RASAL2: variants seen among roughly 807,000 people sequenced by gnomAD.
The protein encoded by RASAL2 is ras GTPase-activating protein nGAP.
RASAL2 carries 58 observed loss-of-function variants against 128.9 expected under a neutral mutation model. The observed-to-expected ratio is 0.45, with a 90% CI of 0.36 to 0.56. The LOEUF is 0.56. Ranked by LOEUF, RASAL2 falls within the 20% of genes least tolerant of loss-of-function variation. RASAL2 has a pLI of 0.00. For missense variants in RASAL2, 1,360 were observed against 1,601.6 expected (o/e 0.85, Z 2.57); for synonymous variants, 561 against 580.8 (o/e 0.97, Z 0.49).
chr1:178,269,333 A>G (rs148259598), intron 1 of RASAL2, among the ~76,000 whole-genome samples: 60 of 152,354 alleles, frequency 3.9e-4, no homozygotes, highest in African/African-American at 1.3e-3. Context: ...ATATTTTGTT[A>G]AGGCAGCCTG....
At chr1:178,452,865 G>A (rs767224732) in intron 11 of RASAL2, among the ~76,000 whole-genome samples, 12 of 152,046 alleles carry the variant, frequency 7.9e-5, no homozygotes, top group Non-Finnish European at 1.5e-4. Context: ...ATATTTGCAG[G>A]CACTACAAAC....
chr1:178,331,502 G>T (rs1669309864), intron 3 of RASAL2, among the ~76,000 whole-genome samples: 2 of 151,184 alleles, frequency 1.3e-5, no homozygotes, highest in East Asian at 1.9e-4. Flanking sequence ...ACTATATGGG[G>T]TTTTTGTTGC....
chr1:178,251,666 A>T (rs1665059885), intron 1 of RASAL2, among the ~76,000 whole-genome samples: 1 of 152,230 alleles, frequency 6.6e-6, no homozygotes, highest in Non-Finnish European at 1.5e-5. Context: ...GTCCTGCCAC[A>T]GTAGAATTGT....
At position 178,395,793 on chromosome 1, in the gene RASAL2, T is replaced by TATATATATATATATA. The variant is rs879578177; in HGVS notation, c.564+5587_564+5588insATATATATATATATA. On this transcript the variant is annotated intron_variant, in intron 4 of 17. Coordinates refer to ENST00000367649, the MANE Select transcript of RASAL2 (RefSeq NM_170692.4). Reference sequence around the variant, plus strand: ...ACAGTATATATATATATATATATATTTATTTATTCATATGTGTATGAATGT... The same window carrying TATATATATATATATA: ...ACAGTATATATATATATATATATATTATATATATATATATATATTTATTCATATGTGTATGAATGT... Among the ~76,000 whole-genome samples the TATATATATATATATA allele has an allele frequency of 2.7e-3, 333 of 124,458 alleles. 11 individuals carry two copies. The highest frequency in any genetic ancestry group is 9.4e-3 in the African/African-American group (264 of 28,164). The allele number at this position is 124,458 out of a possible 152,430, so 81.6% of individuals were successfully genotyped here.
intron 1 of RASAL2, among the ~76,000 whole-genome samples, chr1:178,265,456 AT>A (rs1392489778): frequency 6.6e-6 from 1 of 152,172 alleles, no homozygotes; most frequent in Non-Finnish European, 1.5e-5. Context: ...TTATTATTGT[AT>A]GCCAGTATGT....
chr1:178,329,031 A>G lies in RASAL2; in HGVS notation c.457+28913A>G, dbSNP rs1307261558. Reference sequence around the variant, plus strand: ...TCATTCCTCAAATATATATTTTTTAATTCCTATTATGTGCCACACACTGTT... The same window carrying G: ...TCATTCCTCAAATATATATTTTTTAGTTCCTATTATGTGCCACACACTGTT... On this transcript the variant is annotated intron_variant, in intron 3 of 17. Coordinates refer to ENST00000367649, the MANE Select transcript of RASAL2 (RefSeq NM_170692.4). 3.9e-5 allele frequency among the ~76,000 whole-genome samples: 6 copies of G among 152,136 alleles called. No homozygotes were observed. In the South Asian group the frequency reaches 1.0e-3, roughly 26 times the overall value.
intron 1 of RASAL2, among the ~76,000 whole-genome samples, chr1:178,262,812 T>TA (rs71567187): frequency 3.4e-5 from 5 of 146,524 alleles, no homozygotes; most frequent in Non-Finnish European, 5.9e-5. Flanking sequence ...TTTTTTTTTT[T>TA]AAATCTGAGA....
intron 1 of RASAL2, among the ~76,000 whole-genome samples, chr1:178,140,585 C>T (rs1660489022): frequency 6.6e-6 from 1 of 152,246 alleles, no homozygotes; most frequent in Admixed American, 6.5e-5. Flanking sequence ...CAGTATGTAG[C>T]CTGGCCTTTT....
chr1:178,295,678 C>A (rs1667465991), intron 2 of RASAL2, among the ~76,000 whole-genome samples: 1 of 152,120 alleles, frequency 6.6e-6, no homozygotes, highest in Non-Finnish European at 1.5e-5. Flanking sequence ...GTTTCTGATG[C>A]AGTAGGTCTG....
rs760995356 is a variant in RASAL2 at position 178,458,368 on chromosome 1, C to T, written c.3076C>T (p.Pro1026Ser). ...TGGGTTAGGTGCCCGAGCCAAAGCC[C>T]CACCATCCCTGCCACACAGTGCTTC... ...QGGLGARAKA[P>S]PSLPHSASLR... The change falls in exon 14 of 18, where the codon CCA (proline) becomes TCA (serine). Residue 1026 changes from proline (P) to serine (S), a missense_variant. Pro to Ser is a moderately conservative substitution (Grantham distance 74, BLOSUM62 -1). Transcript: ENST00000367649. 7 of 1,614,206 alleles carry T rather than the reference C, an allele frequency of 4.3e-6. No homozygotes were observed. Among genetic ancestry groups the T allele is most frequent in the African/African-American group, 1.3e-5 (1 of 75,060 alleles).
At position 178,456,797 on chromosome 1, in the gene RASAL2, T is replaced by C; in HGVS notation, c.2288T>C (p.Ile763Thr). 1 of 1,614,138 alleles carries C rather than the reference T, an allele frequency of 6.2e-7. No individual in the cohort carries two copies. The highest frequency in any genetic ancestry group is 1.1e-5 in the South Asian group (1 of 91,076). The change falls in exon 13 of 18, where the codon ATA (isoleucine) becomes ACA (threonine). Residue 763 changes from isoleucine to threonine, a missense_variant. Around this residue, in one of 3 missense-constraint regions of RASAL2, gnomAD observed 741 missense variants for 868.6 expected, o/e 0.85. Coordinates refer to ENST00000367649, the MANE Select transcript of RASAL2 (RefSeq NM_170692.4). ...AAGTCATTGACTAATCCTACGCCAA[T>C]ACAACAGCAACTGAGACGCTTCACT... ...ITKSLTNPTP[I>T]QQQLRRFTEH...
At chr1:178,381,576 G>A (rs1428499289) in intron 3 of RASAL2, among the ~76,000 whole-genome samples, 1 of 151,670 alleles carries the variant, frequency 6.6e-6, no homozygotes, top group Non-Finnish European at 1.5e-5. Flanking sequence ...TATATTACAG[G>A]TTTACATATT....
At chr1:178,418,534 T>G (rs948589043) in intron 4 of RASAL2, among the ~76,000 whole-genome samples, 5 of 152,222 alleles carry the variant, frequency 3.3e-5, no homozygotes, top group Admixed American at 2.6e-4. Flanking sequence ...ACTTAACTCC[T>G]TGGATGGCCA....
In RASAL2 at chr1:178,146,056, A is replaced by C. The variant is rs187686239; in HGVS notation, c.202+51362A>C. Among the ~76,000 whole-genome samples, 73 of 152,338 alleles carry C rather than the reference A, an allele frequency of 4.8e-4. 1 individual carries two copies. Among genetic ancestry groups the C allele is most frequent in the Admixed American group, 2.9e-3 (45 of 15,306 alleles). On this transcript the variant is annotated intron_variant, in intron 1 of 17. Coordinates refer to ENST00000367649, the MANE Select transcript of RASAL2 (RefSeq NM_170692.4). ...TCTCTTCTATAGTGAGAGAAGTAATAGTTTTTGTTTCTACTGAGATATGAT... is the reference window on the plus strand; with the variant it reads ...TCTCTTCTATAGTGAGAGAAGTAATCGTTTTTGTTTCTACTGAGATATGAT...
At chr1:178,431,178 G>A (rs887156078) in intron 5 of RASAL2, among the ~76,000 whole-genome samples, 1 of 151,614 alleles carries the variant, frequency 6.6e-6, no homozygotes, top group Non-Finnish European at 1.5e-5. Context: ...TAAACTGGGG[G>A]GAAATAATTA....
At chr1:178,334,155 T>C (rs2102380546) in intron 3 of RASAL2, among the ~76,000 whole-genome samples, 1 of 152,336 alleles carries the variant, frequency 6.6e-6, no homozygotes, top group East Asian at 1.9e-4. Context: ...GTTGAATTTT[T>C]TTAATACTAG....
chr1:178,261,113 CT>C (rs1665673852), intron 1 of RASAL2, among the ~76,000 whole-genome samples: 1 of 152,158 alleles, frequency 6.6e-6, no homozygotes, highest in Admixed American at 6.5e-5. Context: ...TTGGAACTCT[CT>C]AATTTTAGTC....
rs1418354273 is a variant in RASAL2 at position 178,204,131 on chromosome 1, T to G, written c.203-79433T>G. On this transcript the variant is annotated intron_variant, in intron 1 of 17. Coordinates refer to ENST00000367649, the MANE Select transcript of RASAL2 (RefSeq NM_170692.4). The stretch of plus-strand genomic sequence containing the variant: ...TTTTGCTAAAAACATATTTGTACAT[T>G]TATACACTTGTATTAAGAAAATATC... Among the ~76,000 whole-genome samples, 5 of 152,332 alleles carry G rather than the reference T, an allele frequency of 3.3e-5. No homozygotes were observed. In the East Asian group the frequency reaches 9.6e-4, roughly 29 times the overall value.
chr1:178,456,807 A>T lies in RASAL2; in HGVS notation c.2298A>T (p.Gln766His). 1 of 1,614,162 alleles carries T rather than the reference A, an allele frequency of 6.2e-7. No homozygotes were observed. Among genetic ancestry groups the T allele is most frequent in the Non-Finnish European group, 8.5e-7 (1 of 1,180,032 alleles). ...CTAATCCTACGCCAATACAACAGCA[A>T]CTGAGACGCTTCACTGAACATAACT... ...SLTNPTPIQQQLRRFTEHNSS... is the reference protein window; with the variant it reads ...SLTNPTPIQQHLRRFTEHNSS... The change falls in exon 13 of 18, where the codon CAA becomes CAT. Residue 766 changes from glutamine to histidine, a missense_variant. Coordinates refer to ENST00000367649, the MANE Select transcript of RASAL2 (RefSeq NM_170692.4).
Sources: allele counts gnomAD v4.1 joint callset (sites outside exome capture counted in the v4.1 genomes callset), GRCh38; gene constraint gnomAD v4.1.1; regional missense constraint gnomAD v4.1.1; transcripts MANE v1.5; gene names NCBI Gene and HGNC (gene_info 2026-07-23, HGNC 2026-07-21).